The following GAPVD1 variants were observed in gnomAD, a reference collection of about 807,000 sequenced individuals.
The protein encoded by GAPVD1 is GTPase activating protein and VPS9 domains 1, also known as GTPase-activating protein and VPS9 domain-containing protein 1.
GAPVD1 carries 35 observed loss-of-function variants against 155.5 expected under a neutral mutation model. The observed-to-expected ratio is 0.23, with a 90% CI of 0.17 to 0.30. The LOEUF (loss-of-function observed/expected upper bound fraction) is 0.30, where lower values mean the gene tolerates loss of function less well. Ranked by LOEUF, GAPVD1 falls within the 10% of genes least tolerant of loss-of-function variation. The pLI is 1.00. For synonymous variants in GAPVD1, 636 were observed against 619.7 expected (o/e 1.03, Z -0.39); for missense variants, 1,429 against 1,775.7 (o/e 0.80, Z 3.51).
At chr9:125,314,800 T>C (rs1843156473) in intron 9 of GAPVD1, among the ~76,000 whole-genome samples, 1 of 150,654 alleles carries the variant, frequency 6.6e-6, no homozygotes, top group African/African-American at 2.4e-5. Flanking sequence ...TTTTTTTTTT[T>C]TTTTTGAGAC....
intron 8 of GAPVD1, chr9:125,309,327 G>T (rs768952943): frequency 2.0e-5 from 3 of 151,222 alleles, no homozygotes; most frequent in East Asian, 1.9e-4. Context: ...GTTTTTTTTT[G>T]TTTGTTTGTT....
At chr9:125,338,929 T>TGTG (rs1847426483) in intron 17 of GAPVD1, among the ~76,000 whole-genome samples, 2 of 146,622 alleles carry the variant, frequency 1.4e-5, no homozygotes, top group South Asian at 4.4e-4. Flanking sequence ...TTAAAAAAAT[T>TGTG]TGTGTGTGTG....
intron 2 of GAPVD1, among the ~76,000 whole-genome samples, chr9:125,285,280 G>A (rs1367227040): frequency 6.6e-6 from 1 of 151,958 alleles, no homozygotes; most frequent in Non-Finnish European, 1.5e-5. Flanking sequence ...ATATTTTGCT[G>A]GCCCCTCCTC....
chr9:125,355,067 A>C (rs1009191298), intron 24 of GAPVD1, among the ~76,000 whole-genome samples: 1 of 152,130 alleles, frequency 6.6e-6, no homozygotes, highest in African/African-American at 2.4e-5. Flanking sequence ...GACATTGGTA[A>C]ATTTTTGGAT....
At chr9:125,267,814 C>A (rs1052972202) in intron 1 of GAPVD1, among the ~76,000 whole-genome samples, 9 of 152,158 alleles carry the variant, frequency 5.9e-5, no homozygotes, top group Non-Finnish European at 1.2e-4. Flanking sequence ...CTTGACCTCC[C>A]AAAGCTTTGG....
chr9:125,348,083 A>G (rs1848763745), intron 20 of GAPVD1, among the ~76,000 whole-genome samples: 1 of 151,928 alleles, frequency 6.6e-6, no homozygotes, highest in Non-Finnish European at 1.5e-5. Flanking sequence ...AGACAGTCTC[A>G]CTATGTCACC....
rs186190232 is a variant in GAPVD1, at chr9:125,303,911, T to A, written c.1029+1085T>A. ...TAACTTTTTTTAATGTTTATAAATT[T>A]AAAAAAATTATAATATGGAACACTT... On this transcript the variant is annotated intron_variant, in intron 5 of 27. Transcript: ENST00000297933. 6 of 152,272 alleles carry A rather than the reference T, an allele frequency of 3.9e-5. No individual in the cohort carries two copies. The South Asian group carries it at 6.2e-4, about 16-fold the overall frequency. The allele number at this position is 152,272 out of a possible 1,614,324, so 9.4% of individuals were successfully genotyped here.
intron 9 of GAPVD1, among the ~76,000 whole-genome samples, chr9:125,318,493 A>G (rs991073782): frequency 6.6e-6 from 1 of 152,206 alleles, no homozygotes; most frequent in Non-Finnish European, 1.5e-5. Flanking sequence ...TGGAAAAAAT[A>G]TCTTCATTGT....
At chr9:125,262,261 G>T (rs1169855153) in intron 1 of GAPVD1, among the ~76,000 whole-genome samples, 3 of 152,142 alleles carry the variant, frequency 2.0e-5, no homozygotes, top group Non-Finnish European at 4.4e-5. Flanking sequence ...GGCCTCGGGT[G>T]GGGGCCAGAG....
At chr9:125,281,668 T>C (rs944580284) in intron 2 of GAPVD1, among the ~76,000 whole-genome samples, 29 of 152,202 alleles carry the variant, frequency 1.9e-4, no homozygotes, top group African/African-American at 7.0e-4. Context: ...TTTTACCTAG[T>C]GTCCTTTTTC....
chr9:125,354,353 G>A (rs1849749629), intron 23 of GAPVD1, among the ~76,000 whole-genome samples: 1 of 152,142 alleles, frequency 6.6e-6, no homozygotes, highest in African/African-American at 2.4e-5. Flanking sequence ...AATACACCAA[G>A]TATGCAGAGG....
chr9:125,364,698 G>C lies in GAPVD1; in HGVS notation c.*1952G>C, dbSNP rs1173972005. 1.3e-5 allele frequency: 2 copies of C among 152,504 alleles called. No individual in the cohort carries two copies. Among genetic ancestry groups the C allele is most frequent in the African/African-American group, 4.8e-5 (2 of 41,444 alleles). 9.4% of individuals were successfully genotyped at this position (152,504 alleles called of 1,614,324 possible). ...TATGAAATGTCCTTTTGAATGTTAG[G>C]TCAAGAAATCCATGTACAGAGTCGT... On this transcript the variant is annotated 3_prime_UTR_variant, in exon 28 of 28. Coordinates refer to ENST00000297933, the MANE Select transcript of GAPVD1 (RefSeq NM_001282680.3).
chr9:125,344,998 C>T (rs957181428), intron 19 of GAPVD1, among the ~76,000 whole-genome samples: 1 of 152,120 alleles, frequency 6.6e-6, no homozygotes, highest in Non-Finnish European at 1.5e-5. Context: ...AATTGTCCTT[C>T]AGCATACTCA....
intron 22 of GAPVD1, 64 bp downstream of exon 22, chr9:125,350,468 A>G (rs1045892720): frequency 1.3e-5 from 13 of 1,039,134 alleles, no homozygotes; most frequent in Admixed American, 3.7e-5. Context: ...TGAAATTGCC[A>G]GTATTCAGCT....
chr9:125,340,948 G>C (rs577981771), intron 17 of GAPVD1, among the ~76,000 whole-genome samples: 4 of 152,280 alleles, frequency 2.6e-5, no homozygotes, highest in African/African-American at 9.6e-5. Context: ...TGGGCATGGT[G>C]GTGTGTACAC....
intron 2 of GAPVD1, among the ~76,000 whole-genome samples, chr9:125,273,926 C>CT (rs1403573531): frequency 1.3e-4 from 20 of 151,234 alleles, no homozygotes; most frequent in Admixed American, 5.9e-4. Context: ...GAGCTCTTTT[C>CT]TTTTTTTTAA....
chr9:125,286,051 ACCTGCTTTGG>A (rs1418612921), intron 2 of GAPVD1, among the ~76,000 whole-genome samples: 1 of 151,728 alleles, frequency 6.6e-6, no homozygotes, highest in African/African-American at 2.4e-5. Context: ...CAAGTGATCC[ACCTGCTTTGG>A]CCTGCCAAAG....
intron 6 of GAPVD1, 114 bp downstream of exon 6, chr9:125,305,263 A>G: frequency 1.5e-6 from 1 of 682,918 alleles, no homozygotes; most frequent in Middle Eastern, 3.9e-4. Context: ...TTAATTAGCT[A>G]CAGTATTGGA....
At chr9:125,271,539 A>G (rs776800660) in intron 2 of GAPVD1, among the ~76,000 whole-genome samples, 1 of 151,808 alleles carries the variant, frequency 6.6e-6, no homozygotes, top group Non-Finnish European at 1.5e-5. Flanking sequence ...TCGGACTTAG[A>G]TTAACTTATT....
Sources: gnomAD v4.1 joint callset for allele counts (sites outside exome capture counted in the v4.1 genomes callset) on GRCh38, gnomAD v4.1.1 for gene constraint, MANE v1.5 for transcripts, NCBI Gene and HGNC (gene_info 2026-07-23, HGNC 2026-07-21) for gene names.